BACH2: variants seen among roughly 807,000 people sequenced by gnomAD.
BACH2 encodes the protein BACH transcriptional regulator 2, also known as transcription regulator protein BACH2.
Under a neutral mutation model 61.8 loss-of-function variants are expected in BACH2, and 5 were observed. The observed-to-expected ratio is 0.08, with a 90% CI of 0.04 to 0.17. The LOEUF (loss-of-function observed/expected upper bound fraction) is 0.17. Among genes scored for constraint, BACH2 ranks in the 10% least tolerant of loss-of-function variants. The pLI is 1.00. For missense variants in BACH2, 824 were observed against 1,091.1 expected (o/e 0.76, Z 3.45); for synonymous variants, 446 against 440.1 (o/e 1.01, Z -0.17).
intron 6 of BACH2, among the ~76,000 whole-genome samples, chr6:90,007,425 C>T (rs889692796): frequency 6.6e-6 from 1 of 152,114 alleles, no homozygotes; most frequent in African/African-American, 2.4e-5. Context: ...TGTCAGCCTC[C>T]TGAGTAGCTG....
At chr6:90,241,288 A>AGGGT (rs1191895898) in intron 3 of BACH2, among the ~76,000 whole-genome samples, 3 of 152,156 alleles carry the variant, frequency 2.0e-5, no homozygotes, top group African/African-American at 4.8e-5. Context: ...ACTAGCCTGT[A>AGGGT]GGGTGGTGGT....
At chr6:90,130,769 G>A (rs79416904) in intron 4 of BACH2, among the ~76,000 whole-genome samples, 4,766 of 152,324 alleles carry the variant, frequency 0.031, 121 homozygotes, top group South Asian at 0.052. Context: ...TTGCTTACGC[G>A]AAGGTGGTGA....
chr6:90,081,493 G>A (rs757333876), intron 5 of BACH2, among the ~76,000 whole-genome samples: 5 of 152,116 alleles, frequency 3.3e-5, no homozygotes, highest in Non-Finnish European at 7.4e-5. Context: ...AAGGTCAAAT[G>A]TAGTTACCTG....
intron 6 of BACH2, among the ~76,000 whole-genome samples, chr6:90,006,634 G>A (rs567458697): frequency 1.6e-4 from 25 of 152,064 alleles, no homozygotes; most frequent in African/African-American, 5.8e-4. Flanking sequence ...TTATTTTTTT[G>A]AGACACGTTC....
At chr6:90,166,035 C>A (rs1485493373) in intron 4 of BACH2, among the ~76,000 whole-genome samples, 1 of 151,978 alleles carries the variant, frequency 6.6e-6, no homozygotes, top group African/African-American at 2.4e-5. Context: ...AAAGCAATGG[C>A]AACAAAAGCC....
At chr6:90,030,510 G>C (rs943790923) in intron 5 of BACH2, among the ~76,000 whole-genome samples, 3 of 152,038 alleles carry the variant, frequency 2.0e-5, no homozygotes, top group Admixed American at 6.6e-5. Flanking sequence ...AATAAAAAAT[G>C]ACAAAGGGGA....
At chr6:90,001,000 G>A (rs1178573429) in intron 6 of BACH2, among the ~76,000 whole-genome samples, 1 of 152,140 alleles carries the variant, frequency 6.6e-6, no homozygotes. Flanking sequence ...CCTCCAACAG[G>A]AAGCTAGCCA....
chr6:89,993,655 T>C (rs374784360), intron 6 of BACH2, among the ~76,000 whole-genome samples: 35 of 152,244 alleles, frequency 2.3e-4, no homozygotes, highest in African/African-American at 8.2e-4. Context: ...ATCTTAGGCA[T>C]GATGAAGGGA....
chr6:90,162,356 G>A (rs1785222330), intron 4 of BACH2, among the ~76,000 whole-genome samples: 2 of 152,162 alleles, frequency 1.3e-5, no homozygotes, highest in African/African-American at 4.8e-5. Flanking sequence ...TCAGAGACCA[G>A]GGCCAGGTGT....
chr6:90,102,532 T>C (rs1782682872), intron 4 of BACH2, among the ~76,000 whole-genome samples: 1 of 152,104 alleles, frequency 6.6e-6, no homozygotes, highest in African/African-American at 2.4e-5. Context: ...CTCATGCCTG[T>C]AATCCCAGCA....
chr6:90,128,393 C>A (rs568360674), intron 4 of BACH2, among the ~76,000 whole-genome samples: 50 of 152,240 alleles, frequency 3.3e-4, no homozygotes, highest in Admixed American at 2.9e-3. Context: ...CCATTCTGGC[C>A]AACATGGTGA....
At position 90,030,594 on chromosome 6, in the gene BACH2, G is replaced by C. The variant is rs150643405; in HGVS notation, c.-12-21738C>G. Among the ~76,000 whole-genome samples, 1,402 of 152,184 alleles carry C rather than the reference G, an allele frequency of 9.2e-3. 15 individuals are homozygous for C. The highest frequency in any genetic ancestry group is 0.03 in the African/African-American group (1,254 of 41,506). On this transcript the variant is annotated intron_variant, in intron 5 of 8. Coordinates refer to ENST00000257749, the MANE Select transcript of BACH2 (RefSeq NM_021813.4). ...TAAACACCTCTACGCAAATAAACTAGAAAATCTAGAAGAAATGGATAAATT... is the reference window on the plus strand; with the variant it reads ...TAAACACCTCTACGCAAATAAACTACAAAATCTAGAAGAAATGGATAAATT...
At chr6:90,087,721 G>T (rs902101055) in intron 5 of BACH2, among the ~76,000 whole-genome samples, 1 of 140,280 alleles carries the variant, frequency 7.1e-6, no homozygotes, top group Non-Finnish European at 1.6e-5. Context: ...CCCTTCCCAT[G>T]TGTGTGTTTT....
chr6:90,211,857 C>T (rs1278138579), intron 3 of BACH2, among the ~76,000 whole-genome samples: 4 of 152,160 alleles, frequency 2.6e-5, no homozygotes, highest in Admixed American at 2.6e-4. Context: ...GTCTCACTAG[C>T]TTTTAGACAT....
intron 6 of BACH2, among the ~76,000 whole-genome samples, chr6:89,978,813 AATGCAC>A (rs1775794690): frequency 6.6e-6 from 1 of 152,130 alleles, no homozygotes. Context: ...ATTTTTATAA[AATGCAC>A]GCTGTCCCTG....
At chr6:90,218,768 T>C (rs188791722) in intron 3 of BACH2, among the ~76,000 whole-genome samples, 25 of 152,256 alleles carry the variant, frequency 1.6e-4, no homozygotes, top group African/African-American at 5.5e-4. Context: ...GTTCCTTAGA[T>C]AACACAGGCC....
intron 1 of BACH2, among the ~76,000 whole-genome samples, chr6:90,289,160 T>C (rs750910564): frequency 3.3e-5 from 5 of 152,006 alleles, no homozygotes; most frequent in Non-Finnish European, 7.4e-5. Flanking sequence ...TATTTTAGAG[T>C]GAGATGACCT....
intron 4 of BACH2, among the ~76,000 whole-genome samples, chr6:90,138,460 T>C (rs537053377): frequency 1.9e-3 from 296 of 152,032 alleles, no homozygotes; most frequent in African/African-American, 6.8e-3. Flanking sequence ...GATGGTGCCA[T>C]TGCACTCCAG....
intron 6 of BACH2, among the ~76,000 whole-genome samples, chr6:89,972,038 G>A (rs545397565): frequency 3.9e-5 from 6 of 152,344 alleles, no homozygotes; most frequent in Admixed American, 6.5e-5. Context: ...GGGAGCTGGT[G>A]TTCCAGATGG....
Sources: allele counts gnomAD v4.1 joint callset (sites outside exome capture counted in the v4.1 genomes callset), GRCh38; gene constraint gnomAD v4.1.1; transcripts MANE v1.5; gene names NCBI Gene and HGNC (gene_info 2026-07-23, HGNC 2026-07-21).